Variants in CD207 observed in about 807,000 individuals in gnomAD.
CD207 encodes CD207 molecule, also known as C-type lectin domain family 4 member K.
A neutral mutation model predicts 31.6 loss-of-function variants in CD207; 28 were observed. That is an observed-to-expected ratio of 0.89 (90% CI 0.66 to 1.21). The LOEUF (loss-of-function observed/expected upper bound fraction) is 1.21. Ranked by LOEUF, CD207 falls within the 50% of genes most tolerant of loss-of-function variation. The pLI is 0.00. For synonymous variants in CD207, 168 were observed against 153.9 expected (o/e 1.09, Z -0.68); for missense variants, 388 against 397.8 (o/e 0.98, Z 0.21).
chr2:70,833,778 C>T lies in CD207; in HGVS notation c.433G>A (p.Glu145Lys), dbSNP rs1020577761. ...TGGGCATTTAAGGTACTGACTTCTT[C>T]CCAACTTCTTGTTAAGATCTGGATC... ...AQIQILTRSW[E>K]EVSTLNAQIP... Residue 145 changes from glutamate to lysine, a missense_variant, in exon 3 of 6, where the codon GAA (glutamate) becomes AAA (lysine). Transcript: ENST00000410009. 1.2e-6 allele frequency: 2 copies of T among 1,614,018 alleles called. No homozygotes were observed. Among genetic ancestry groups the T allele is most frequent in the African/African-American group, 2.7e-5 (2 of 75,040 alleles).
chr2:70,829,362 G>C (rs1310379737), downstream of CD207, among the ~76,000 whole-genome samples: 1 of 152,238 alleles, frequency 6.6e-6, no homozygotes, highest in African/African-American at 2.4e-5. Context: ...AAGCCACACA[G>C]GGCCACATGG....
At chr2:70,834,441 C>T (rs1553400584) in intron 2 of CD207, among the ~76,000 whole-genome samples, 1 of 152,030 alleles carries the variant, frequency 6.6e-6, no homozygotes, top group East Asian at 1.9e-4. Flanking sequence ...TTTTCAGAAA[C>T]CCCTGCAGTG....
downstream of CD207, among the ~76,000 whole-genome samples, chr2:70,827,515 A>C (rs1357536758): frequency 6.6e-6 from 1 of 152,212 alleles, no homozygotes; most frequent in Non-Finnish European, 1.5e-5. Flanking sequence ...AGCCAATGGC[A>C]GCCCCCATGC....
chr2:70,824,400 T>C, the CD207 span, among the ~76,000 whole-genome samples: 1 of 151,628 alleles, frequency 6.6e-6, no homozygotes, highest in Admixed American at 6.6e-5. Flanking sequence ...AAAAATTAGA[T>C]GTACACACAA....
At chr2:70,834,707 G>A (rs1257228785) in intron 2 of CD207, among the ~76,000 whole-genome samples, 1 of 152,156 alleles carries the variant, frequency 6.6e-6, no homozygotes, top group Non-Finnish European at 1.5e-5. Flanking sequence ...GATGTTAGAG[G>A]CCAGGGGTCT....
At chr2:70,835,640 G>C in intron 1 of CD207, 33 bp from the exon 2 acceptor site, 1 of 1,609,972 alleles carries the variant, frequency 6.2e-7, no homozygotes, top group Non-Finnish European at 8.5e-7. Flanking sequence ...TGTGTTGAAG[G>C]AGCAGCAAAG....
intron 5 of CD207, 144 bp downstream of exon 5, chr2:70,831,557 C>T (rs1049697577): frequency 1.4e-5 from 9 of 663,834 alleles, no homozygotes; most frequent in East Asian, 5.4e-5. Flanking sequence ...GGGTTGTGCT[C>T]GATCTTGGTT....
Position 70,833,797 on chromosome 2 carries a change from C to T in CD207, c.414G>A (p.Gln138=). Residue 138 remains glutamine, a synonymous_variant, in exon 3 of 6, where the codon CAG becomes CAA. Coordinates refer to ENST00000410009, the MANE Select transcript of CD207 (RefSeq NM_015717.5). ...CTTCTTCCCAACTTCTTGTTAAGAT[C>T]TGGATCTGTGCGTTGGCCTTCTCCA... ...TSVEKANAQI[Q]ILTRSWEEVS... 1 of 1,614,022 alleles carries T rather than the reference C, an allele frequency of 6.2e-7. No homozygotes were observed. Among genetic ancestry groups the T allele is most frequent in the Admixed American group, 1.7e-5 (1 of 60,014 alleles).
intron 2 of CD207, among the ~76,000 whole-genome samples, 190 bp from the exon 3 acceptor site, chr2:70,834,210 T>C (rs1330620838): frequency 6.6e-6 from 1 of 152,174 alleles, no homozygotes; most frequent in African/African-American, 2.4e-5. Context: ...GCACCTACCA[T>C]GTGCCAGGAA....
downstream of CD207, among the ~76,000 whole-genome samples, chr2:70,826,451 A>G (rs1677346700): frequency 6.6e-6 from 1 of 152,186 alleles, no homozygotes; most frequent in Admixed American, 6.5e-5. Context: ...ATCACAGCTC[A>G]CTGCAGCCTC....
At chr2:70,826,179 A>G (rs1226401376), downstream of CD207, among the ~76,000 whole-genome samples, 1 of 152,034 alleles carries the variant, frequency 6.6e-6, no homozygotes, top group Non-Finnish European at 1.5e-5. Flanking sequence ...AGACATAAGT[A>G]GTAATTATGG....
At chr2:70,831,242 A>G in intron 5 of CD207, 42 bp from the exon 6 acceptor site, 1 of 1,574,602 alleles carries the variant, frequency 6.4e-7, no homozygotes, top group Non-Finnish European at 8.6e-7. Context: ...AAAGTGGAAA[A>G]TCAAAAAGAA....
downstream of CD207, among the ~76,000 whole-genome samples, chr2:70,826,308 C>T (rs1677341195): frequency 6.6e-6 from 1 of 152,158 alleles, no homozygotes. Flanking sequence ...TCAAAGGTCT[C>T]ACATGGTTGA....
At chr2:70,834,943 A>G (rs1338284851) in intron 2 of CD207, among the ~76,000 whole-genome samples, 1 of 152,220 alleles carries the variant, frequency 6.6e-6, no homozygotes, top group Non-Finnish European at 1.5e-5. Context: ...ATGAGCAGGA[A>G]GCCTCCCTAG....
rs201227431 is a variant in CD207 at position 70,835,498 on chromosome 2, G to A, written c.183C>T (p.Ala61=). The A allele has an allele frequency of 3.9e-4, 634 of 1,610,438 alleles. 4 individuals carry two copies. Among genetic ancestry groups the A allele is most frequent in the South Asian group, 9.2e-4 (84 of 90,964 alleles). The change falls in exon 2 of 6, where the codon GCC becomes GCT. Residue 61 remains alanine, a synonymous_variant. Transcript: ENST00000410009. The part of the protein sequence containing the change: ...LVLVASVLLQ[A]VLYPRFMGTI... ...TGAAACATGAGGACTTACAAAGGAC[G>A]GCCTGCAGCAGGACGGAGGCGACCA...
At chr2:70,832,866 C>T (rs573751884) in intron 4 of CD207, 34 bp downstream of exon 4, 1 of 1,589,282 alleles carries the variant, frequency 6.3e-7, no homozygotes, top group Non-Finnish European at 8.6e-7. Flanking sequence ...TGCTCATACG[C>T]CCCCTTCACA....
At chr2:70,830,133 G>T (rs1677431909), downstream of CD207, 1 of 152,164 alleles carries the variant, frequency 6.6e-6, no homozygotes, top group Admixed American at 6.5e-5. Flanking sequence ...GGATACCCTA[G>T]AACTTCATGT....
downstream of CD207, among the ~76,000 whole-genome samples, chr2:70,827,411 C>T (rs11126299): frequency 0.61 from 92,476 of 151,820 alleles, 28,490 homozygotes; most frequent in Middle Eastern, 0.7. Flanking sequence ...AACAGAGAGG[C>T]AGAGAGAAAG....
At chr2:70,835,633 G>T in intron 1 of CD207, 26 bp from the exon 2 acceptor site, 1 of 1,610,600 alleles carries the variant, frequency 6.2e-7, no homozygotes, top group Non-Finnish European at 8.5e-7. Context: ...GAAAATGTGT[G>T]TTGAAGGAGC....
Sources: gnomAD v4.1 joint callset for allele counts (sites outside exome capture counted in the v4.1 genomes callset) on GRCh38, gnomAD v4.1.1 for gene constraint, MANE v1.5 for transcripts, NCBI Gene and HGNC (gene_info 2026-07-23, HGNC 2026-07-21) for gene names.